Variants in VIL1 observed in about 807,000 individuals in gnomAD.
VIL1 encodes villin 1, also known as villin-1.
In VIL1, 86 loss-of-function variants were observed where a neutral mutation model predicts 104.0. That is an observed-to-expected ratio of 0.83 (90% CI 0.69 to 0.99). The LOEUF (loss-of-function observed/expected upper bound fraction) is 0.99. VIL1 is among the 50% of genes least tolerant of loss of function. The pLI is 0.00. For synonymous variants in VIL1, 394 were observed against 412.6 expected (o/e 0.95, Z 0.55); for missense variants, 944 against 1,054.1 (o/e 0.90, Z 1.45).
In VIL1 at chr2:218,438,638, G is replaced by A. The variant is rs1288064097; in HGVS notation, c.2161-20G>A. 16 of 1,605,946 alleles carry A rather than the reference G, an allele frequency of 1.0e-5. No individual in the cohort carries two copies. Among genetic ancestry groups the A allele is most frequent in the Non-Finnish European group, 1.3e-5 (15 of 1,176,918 alleles). On this transcript the variant is annotated intron_variant, in intron 17 of 19. Transcript: ENST00000248444. The stretch of plus-strand genomic sequence containing the variant: ...CTCTGCTGAGATCCAGGTCTAATCT[G>A]TTATTTACTTTATGTGCAGAACACC...
intron 19 of VIL1, among the ~76,000 whole-genome samples, chr2:218,447,394 T>C (rs979591945): frequency 6.6e-6 from 1 of 152,228 alleles, no homozygotes; most frequent in Non-Finnish European, 1.5e-5. Context: ...CTTGGCTTAC[T>C]GCAACCTCTG....
At chr2:218,448,680 T>A (rs984267160) in intron 19 of VIL1, among the ~76,000 whole-genome samples, 12 of 152,048 alleles carry the variant, frequency 7.9e-5, no homozygotes, top group African/African-American at 2.9e-4. Context: ...AATCTCAATC[T>A]ACCACACTAC....
At chr2:218,436,744 C>G (rs1360557331) in intron 16 of VIL1, 118 bp downstream of exon 16, 1 of 1,318,262 alleles carries the variant, frequency 7.6e-7, no homozygotes, top group Non-Finnish European at 1.0e-6. Flanking sequence ...ATAATTTCTC[C>G]CTGGAAATGG....
Position 218,437,183 on chromosome 2 carries a change from T to C in VIL1, c.2031T>C (p.Thr677=). 4.3e-6 allele frequency: 7 copies of C among 1,614,172 alleles called. No homozygotes were observed. The highest frequency in any genetic ancestry group is 5.1e-6 in the Non-Finnish European group (6 of 1,180,040). ...AGGAGAAGAAGGCCGCAGCAACCAC[T>C]GCACAGGAATACCTCAAGACCCATC... The part of the protein sequence containing the change: ...NEEEKKAAAT[T]AQEYLKTHPS... Residue 677 remains threonine, a synonymous_variant, in exon 17 of 20, where the codon ACT becomes ACC. Coordinates refer to ENST00000248444, the MANE Select transcript of VIL1 (RefSeq NM_007127.3).
rs1228904958 is a variant in VIL1, at chr2:218,428,043, C to A, written c.426C>A (p.Val142=). ...NSYDVQRLLH[V]KGKRNVVAGE... is the part of the protein sequence containing the mutation. ...ATGACGTCCAGAGGCTGCTGCATGT[C>A]AAGGGCAAGAGGAACGTGGTAGCTG... The change falls in exon 5 of 20, where the codon GTC becomes GTA. Residue 142 remains valine (V), a synonymous_variant. Coordinates refer to ENST00000248444, the MANE Select transcript of VIL1 (RefSeq NM_007127.3). The A allele has an allele frequency of 3.1e-6, 5 of 1,614,138 alleles. No homozygotes were observed. Among genetic ancestry groups the A allele is most frequent in the Non-Finnish European group, 4.2e-6 (5 of 1,180,030 alleles).
At chr2:218,436,671 C>T (rs1444939929) in intron 16 of VIL1, 45 bp downstream of exon 16, 27 of 1,591,878 alleles carry the variant, frequency 1.7e-5, no homozygotes, top group Non-Finnish European at 2.3e-5. Context: ...CCACCTCAAT[C>T]CCCAGGGCCA....
rs749111220 is a variant in VIL1, at chr2:218,432,924, C to T, written c.1473C>T (p.Ile491=). ...AGGAGCCACCTCATCTTATGTCCAT[C>T]TTCAAGGGACGCATGGTGGTCTACC... is the stretch of plus-strand genomic sequence containing the variant. ...MGKEPPHLMS[I]FKGRMVVYQG... The change falls in exon 13 of 20, where the codon ATC becomes ATT. Residue 491 remains isoleucine, a synonymous_variant. Transcript: ENST00000248444. 20 of 1,614,118 alleles carry T rather than the reference C, an allele frequency of 1.2e-5. No homozygotes were observed. The East Asian group carries it at 2.2e-4, about 18-fold the overall frequency.
chr2:218,443,202 C>CTT (rs5838696), intron 19 of VIL1, among the ~76,000 whole-genome samples: 4,000 of 141,798 alleles, frequency 0.028, 121 homozygotes, highest in African/African-American at 0.067. Flanking sequence ...GTATTTCTTT[C>CTT]TTTTTTTTTT....
intron 16 of VIL1, 48 bp downstream of exon 16, chr2:218,436,674 C>CAAGAA: frequency 5.7e-6 from 9 of 1,591,112 alleles, no homozygotes; most frequent in Non-Finnish European, 7.7e-6. Flanking sequence ...CCTCAATCCC[C>CAAGAA]AGGGCCAAGA....
Position 218,432,817 on chromosome 2 carries a change from AT to A in VIL1, c.1368del (p.Thr457GlnfsTer196), listed in dbSNP as rs1333951037. On this transcript the variant is annotated frameshift_variant, in exon 13 of 20. Transcript: ENST00000248444. LOFTEE classifies it high-confidence loss of function. ...GGGCAGCCAGGCCAGCCAAGATGAA[AT>A]TACAGCATCAGCTTATCAAGCCGTC... ...WQGSQASQDE[I>X]TASAYQAVIL... The A allele has an allele frequency of 2.5e-6, 4 of 1,614,186 alleles. No individual in the cohort carries two copies. The Admixed American group carries it at 6.7e-5, about 27-fold the overall frequency.
At chr2:218,430,036 T>C in intron 9 of VIL1, 89 bp downstream of exon 9, 2 of 1,214,756 alleles carry the variant, frequency 1.6e-6, no homozygotes, top group South Asian at 1.4e-5. Flanking sequence ...GCAGGCAGGC[T>C]CAGACCAGGG....
At chr2:218,420,377 C>T (rs1405768369) in intron 1 of VIL1, among the ~76,000 whole-genome samples, 22 of 124,604 alleles carry the variant, frequency 1.8e-4, no homozygotes, top group Non-Finnish European at 3.0e-4. Flanking sequence ...GACAGTGAGC[C>T]AGAATTGCAC....
At chr2:218,446,085 C>T (rs999938648) in intron 19 of VIL1, among the ~76,000 whole-genome samples, 1 of 152,082 alleles carries the variant, frequency 6.6e-6, no homozygotes, top group African/African-American at 2.4e-5. Flanking sequence ...TGATCTTTGG[C>T]CTTCCTAGTG....
At chr2:218,441,003 C>A in intron 19 of VIL1, 141 bp downstream of exon 19, 1 of 989,152 alleles carries the variant, frequency 1.0e-6, no homozygotes, top group Non-Finnish European at 1.5e-6. Context: ...ACCTTATATC[C>A]CAGGAGGAGA....
chr2:218,434,465 A>C, intron 13 of VIL1, 61 bp from the exon 14 acceptor site: 4 of 1,498,856 alleles, frequency 2.7e-6, no homozygotes, highest in Non-Finnish European at 3.6e-6. Flanking sequence ...TCTGTTCCCC[A>C]TCATCTTCTT....
intron 13 of VIL1, among the ~76,000 whole-genome samples, chr2:218,434,090 A>G (rs1311390243): frequency 6.6e-6 from 1 of 151,048 alleles, no homozygotes; most frequent in African/African-American, 2.4e-5. Context: ...CCAGCTACCC[A>G]GGAGGCTGAG....
At chr2:218,429,769 G>A in intron 8 of VIL1, 80 bp from the exon 9 acceptor site, 2 of 1,592,508 alleles carry the variant, frequency 1.3e-6, no homozygotes. Context: ...GGGCCTGGGA[G>A]GGAGAGACTT....
rs537889124 is a variant in VIL1 at position 218,427,865 on chromosome 2, G to C, written c.348-100G>C. On this transcript the variant is annotated intron_variant, in intron 4 of 19. Coordinates refer to ENST00000248444, the MANE Select transcript of VIL1 (RefSeq NM_007127.3). ...ATTGACCTCGCCTACTCCCACCCTG[G>C]CCCTCACGTGACCCCAGCGTGGCAG... The C allele has an allele frequency of 4.6e-6, 5 of 1,082,982 alleles. 1 individual carries two copies. Among genetic ancestry groups the C allele is most frequent in the East Asian group, 4.8e-5 (2 of 42,036 alleles). The allele number at this position is 1,082,982 out of a possible 1,614,324, so 67.1% of individuals were successfully genotyped here.
At chr2:218,440,984 C>A in intron 19 of VIL1, 122 bp downstream of exon 19, 1 of 1,133,690 alleles carries the variant, frequency 8.8e-7, no homozygotes, top group Non-Finnish European at 1.2e-6. Context: ...GGGATCCTGC[C>A]TTCATGCCAC....
Sources: allele counts gnomAD v4.1 joint callset (sites outside exome capture counted in the v4.1 genomes callset), GRCh38; gene constraint gnomAD v4.1.1; transcripts MANE v1.5; gene names NCBI Gene and HGNC (gene_info 2026-07-23, HGNC 2026-07-21).